The following CORIN variants were observed in gnomAD, a reference collection of about 807,000 sequenced individuals.
CORIN encodes the protein atrial natriuretic peptide-converting enzyme.
Under a neutral mutation model 125.3 loss-of-function variants are expected in CORIN, and 117 were observed. That is an observed-to-expected ratio of 0.93 (90% CI 0.80 to 1.09). CORIN has a LOEUF of 1.09. Among genes scored for constraint, CORIN ranks in the 50% least tolerant of loss-of-function variants. The pLI is 0.00. For synonymous variants in CORIN, 450 were observed against 466.4 expected (o/e 0.96, Z 0.45); for missense variants, 1,253 against 1,306.7 (o/e 0.96, Z 0.63).
intron 6 of CORIN, among the ~76,000 whole-genome samples, chr4:47,690,125 A>G (rs556864700): frequency 6.6e-6 from 1 of 152,340 alleles, no homozygotes; most frequent in African/African-American, 2.4e-5. Context: ...TCTTTAATAA[A>G]CAATTACCTC....
intron 5 of CORIN, among the ~76,000 whole-genome samples, chr4:47,707,722 G>A (rs1375097874): frequency 6.6e-6 from 1 of 152,136 alleles, no homozygotes; most frequent in Non-Finnish European, 1.5e-5. Context: ...AGGAAAGGGT[G>A]GCATCTAAAG....
chr4:47,658,763 G>T (rs1417637264), intron 12 of CORIN, among the ~76,000 whole-genome samples: 1 of 152,162 alleles, frequency 6.6e-6, no homozygotes. Flanking sequence ...CTCCCTTTTG[G>T]TTATACAAAT....
chr4:47,683,656 T>C (rs1725385575), intron 7 of CORIN, 75 bp downstream of exon 7: 4 of 1,036,494 alleles, frequency 3.9e-6, no homozygotes, highest in Admixed American at 2.1e-5. Context: ...TATTAACACA[T>C]AATGAACTGT....
At chr4:47,751,122 T>C (rs1026339571) in intron 4 of CORIN, among the ~76,000 whole-genome samples, 1 of 152,212 alleles carries the variant, frequency 6.6e-6, no homozygotes, top group African/African-American at 2.4e-5. Flanking sequence ...GTCTAAATCA[T>C]GTCATCTACT....
At chr4:47,755,419 A>G (rs749808397) in intron 4 of CORIN, among the ~76,000 whole-genome samples, 2 of 152,110 alleles carry the variant, frequency 1.3e-5, no homozygotes, top group Non-Finnish European at 2.9e-5. Context: ...CAGATTCTCA[A>G]TCGCTATTCT....
chr4:47,705,293 T>C (rs1301613713), intron 5 of CORIN, among the ~76,000 whole-genome samples: 1 of 152,224 alleles, frequency 6.6e-6, no homozygotes, highest in African/African-American at 2.4e-5. Flanking sequence ...AAGTCTAACA[T>C]GTCAGTCTTT....
At position 47,600,250 on chromosome 4, in the gene CORIN, A is replaced by G; in HGVS notation, c.2910T>C (p.Cys970=). 1.9e-6 allele frequency: 3 copies of G among 1,613,970 alleles called. No individual in the cohort carries two copies. The highest frequency in any genetic ancestry group is 1.1e-5 in the South Asian group (1 of 91,042). ...DMKTITTRMI[C]AGYESGTVDS... ...CAACTGTGCCAGACTCATAGCCAGC[A>G]CATATCATCCGAGTGGTGATGGTCT... The change falls in exon 21 of 22, where the codon TGT becomes TGC. Residue 970 remains cysteine (C), a synonymous_variant. Coordinates refer to ENST00000273857, the MANE Select transcript of CORIN (RefSeq NM_006587.4).
chr4:47,657,727 CAAGA>C (rs1724059701), intron 12 of CORIN, among the ~76,000 whole-genome samples: 2 of 151,718 alleles, frequency 1.3e-5, no homozygotes, highest in African/African-American at 4.8e-5. Context: ...AAAGCAGGAA[CAAGA>C]GAGAGAGAGA....
At chr4:47,656,054 A>C (rs1376840995) in intron 12 of CORIN, among the ~76,000 whole-genome samples, 2 of 152,126 alleles carry the variant, frequency 1.3e-5, no homozygotes, top group African/African-American at 4.8e-5. Flanking sequence ...ACTACACACC[A>C]ATTTCCTTGA....
In CORIN at chr4:47,664,959, A is replaced by C. The variant is rs976891678; in HGVS notation, c.1589+73T>G. 3 of 959,842 alleles carry C rather than the reference A, an allele frequency of 3.1e-6. No individual in the cohort carries two copies. In the African/African-American group the frequency reaches 5.0e-5, roughly 16 times the overall value. 59.5% of individuals were successfully genotyped at this position (959,842 alleles called of 1,614,324 possible). On this transcript the variant is annotated intron_variant, in intron 11 of 21. Coordinates refer to ENST00000273857, the MANE Select transcript of CORIN (RefSeq NM_006587.4). Reference sequence around the variant, plus strand: ...CCTTAGGGAAATTTACGTTGTCCAAACTCAACTAAGTCTTCACCCCTTGGT... The same window carrying C: ...CCTTAGGGAAATTTACGTTGTCCAACCTCAACTAAGTCTTCACCCCTTGGT...
chr4:47,829,160 A>G (rs1732868856), intron 1 of CORIN, among the ~76,000 whole-genome samples: 1 of 143,626 alleles, frequency 7.0e-6, no homozygotes, highest in South Asian at 2.2e-4. Flanking sequence ...TCCGTCTCAA[A>G]AAAAAAAAAA....
At chr4:47,718,701 T>C (rs1577859035) in intron 5 of CORIN, among the ~76,000 whole-genome samples, 1 of 152,262 alleles carries the variant, frequency 6.6e-6, no homozygotes, top group Non-Finnish European at 1.5e-5. Context: ...CCTGAATTCA[T>C]GCAACTCCCT....
At chr4:47,784,460 A>G (rs1730696125) in intron 3 of CORIN, among the ~76,000 whole-genome samples, 1 of 152,224 alleles carries the variant, frequency 6.6e-6, no homozygotes, top group African/African-American at 2.4e-5. Context: ...TGTTCCAATC[A>G]TAGGAAGAGC....
chr4:47,827,366 C>A (rs758344831), intron 1 of CORIN, among the ~76,000 whole-genome samples: 11 of 152,182 alleles, frequency 7.2e-5, no homozygotes, highest in Non-Finnish European at 1.2e-4. Flanking sequence ...AAAGCATTTT[C>A]ATTAATACAT....
intron 5 of CORIN, among the ~76,000 whole-genome samples, chr4:47,740,847 G>C (rs1728361504): frequency 6.6e-6 from 1 of 151,952 alleles, no homozygotes; most frequent in Admixed American, 6.6e-5. Context: ...AGTCCATTCA[G>C]TGGGAAAGAA....
At chr4:47,669,553 CTATA>C (rs67123208) in intron 10 of CORIN, among the ~76,000 whole-genome samples, 5 of 144,592 alleles carry the variant, frequency 3.5e-5, no homozygotes, top group East Asian at 4.1e-4. Flanking sequence ...CCTTGCTCTT[CTATA>C]TATATATATA....
chr4:47,760,564 T>C (rs1729401186), intron 4 of CORIN, among the ~76,000 whole-genome samples: 1 of 152,228 alleles, frequency 6.6e-6, no homozygotes, highest in Non-Finnish European at 1.5e-5. Context: ...TTATAGAGTA[T>C]GAGTAGAGTA....
At chr4:47,622,469 G>C (rs1295221199) in intron 19 of CORIN, among the ~76,000 whole-genome samples, 1 of 150,102 alleles carries the variant, frequency 6.7e-6, no homozygotes, top group Non-Finnish European at 1.5e-5. Flanking sequence ...CCCACCAACA[G>C]TGTAAAAGTG....
chr4:47,636,158 A>G (rs1363540311), intron 16 of CORIN, among the ~76,000 whole-genome samples: 2 of 152,216 alleles, frequency 1.3e-5, no homozygotes, highest in Non-Finnish European at 2.9e-5. Context: ...ACCAACTTCT[A>G]TTGACCAACA....
Sources: allele counts gnomAD v4.1 joint callset (sites outside exome capture counted in the v4.1 genomes callset), GRCh38; gene constraint gnomAD v4.1.1; transcripts MANE v1.5; gene names NCBI Gene and HGNC (gene_info 2026-07-23, HGNC 2026-07-21).